The following CATSPERE variants were observed in gnomAD, a reference collection of about 807,000 sequenced individuals.
CATSPERE encodes the protein cation channel sperm-associated auxiliary subunit epsilon.
In CATSPERE, 93 loss-of-function variants were observed where a neutral mutation model predicts 114.1. That is an observed-to-expected ratio of 0.81 (90% CI 0.69 to 0.97). The LOEUF (loss-of-function observed/expected upper bound fraction) is 0.97. CATSPERE is among the 50% of genes least tolerant of loss of function. The pLI is 0.00. For missense variants in CATSPERE, 1,058 were observed against 1,131.6 expected, an observed-to-expected ratio of 0.93 and a Z score of 0.93; for synonymous variants, 341 against 384.1, an observed-to-expected ratio of 0.89 and a Z score of 1.31.
intron 5 of CATSPERE, among the ~76,000 whole-genome samples, chr1:244,486,328 G>A (rs1202096852): frequency 1.3e-5 from 2 of 151,226 alleles, no homozygotes; most frequent in African/African-American, 2.4e-5. Flanking sequence ...TCGTGGGCCA[G>A]GTACAGACCC....
At chr1:244,489,723 C>G (rs1480742803) in intron 5 of CATSPERE, among the ~76,000 whole-genome samples, 1 of 152,034 alleles carries the variant, frequency 6.6e-6, no homozygotes, top group Non-Finnish European at 1.5e-5. Context: ...TATGGATTAA[C>G]TGTGCACCAA....
At chr1:244,609,493 G>A (rs886720224) in intron 18 of CATSPERE, among the ~76,000 whole-genome samples, 24 of 151,964 alleles carry the variant, frequency 1.6e-4, no homozygotes, top group African/African-American at 5.8e-4. Context: ...CGGGGTTACA[G>A]GTGCACGCCA....
chr1:244,619,964 G>A (rs1671886437), intron 20 of CATSPERE, among the ~76,000 whole-genome samples: 1 of 152,138 alleles, frequency 6.6e-6, no homozygotes, highest in African/African-American at 2.4e-5. Flanking sequence ...CTCAGAATCT[G>A]ATAGATCAAG....
intron 17 of CATSPERE, chr1:244,598,633 G>A: frequency 2.9e-6 from 1 of 343,648 alleles, no homozygotes; most frequent in Non-Finnish European, 6.0e-6. Flanking sequence ...TCCACGGTGT[G>A]GCACTGGACA....
intron 20 of CATSPERE, among the ~76,000 whole-genome samples, chr1:244,623,519 G>GT (rs767710296): frequency 2.2e-4 from 34 of 152,180 alleles, no homozygotes; most frequent in Non-Finnish European, 4.6e-4. Flanking sequence ...TCCCAAACAT[G>GT]TCACAGAAAG....
Position 244,571,591 on chromosome 1 carries a change from C to T in CATSPERE, c.1508-739C>T, listed in dbSNP as rs143434819. On this transcript the variant is annotated intron_variant, in intron 10 of 21. Transcript: ENST00000366534. ...TAGGCTATGCTTTATACCACTCTCA[C>T]CCCCACTCACCTCCATGTCTTCATT... is the stretch of plus-strand genomic sequence containing the variant. Among the ~76,000 whole-genome samples, 402 of 152,294 alleles carry T rather than the reference C, an allele frequency of 2.6e-3. 3 individuals carry two copies. Among genetic ancestry groups the T allele is most frequent in the African/African-American group, 8.6e-3 (359 of 41,562 alleles).
chr1:244,610,532 T>G (rs1398927604), intron 19 of CATSPERE: 2 of 664,636 alleles, frequency 3.0e-6, no homozygotes, highest in South Asian at 3.1e-5. Context: ...TGTTACTATT[T>G]TAATTTTCAC....
At chr1:244,623,730 A>T (rs1268093099) in intron 20 of CATSPERE, among the ~76,000 whole-genome samples, 2 of 152,240 alleles carry the variant, frequency 1.3e-5, no homozygotes, top group African/African-American at 4.8e-5. Flanking sequence ...CCCAGTGCAT[A>T]CAAAACTTAT....
intron 18 of CATSPERE, among the ~76,000 whole-genome samples, chr1:244,609,922 C>T (rs1234055231): frequency 6.6e-6 from 1 of 152,130 alleles, no homozygotes; most frequent in African/African-American, 2.4e-5. Flanking sequence ...TGGCACACAC[C>T]TGTAGTCCTA....
chr1:244,606,382 T>C (rs1159541288), intron 18 of CATSPERE, among the ~76,000 whole-genome samples: 1 of 151,806 alleles, frequency 6.6e-6, no homozygotes, highest in Non-Finnish European at 1.5e-5. Flanking sequence ...CCTCCTGTCA[T>C]GATGGAGCCT....
chr1:244,536,811 T>G lies in CATSPERE; in HGVS notation c.537-15511T>G, dbSNP rs142574204. On this transcript the variant is annotated intron_variant, in intron 8 of 21. Transcript: ENST00000366534. Reference sequence around the variant, plus strand: ...TTCATGTTCCTATGGAGAAGAAGATTGGTGGAGGCTTCTATTCACTCATCC... The same window carrying G: ...TTCATGTTCCTATGGAGAAGAAGATGGGTGGAGGCTTCTATTCACTCATCC... Among the ~76,000 whole-genome samples, 24 of 152,350 alleles carry G rather than the reference T, an allele frequency of 1.6e-4. No homozygotes were observed. The East Asian group carries it at 4.0e-3, about 26-fold the overall frequency.
chr1:244,518,491 A>T, intron 7 of CATSPERE, 101 bp from the exon 8 acceptor site: 1 of 736,984 alleles, frequency 1.4e-6, no homozygotes, highest in Non-Finnish European at 2.3e-6. Flanking sequence ...AAATGTAAGC[A>T]ATGTCTTAAC....
chr1:244,608,038 C>T (rs923535316), intron 18 of CATSPERE, among the ~76,000 whole-genome samples: 2 of 151,988 alleles, frequency 1.3e-5, no homozygotes, highest in East Asian at 1.9e-4. Flanking sequence ...ACCCAGGAAG[C>T]GGAGGTTGCA....
intron 9 of CATSPERE, 79 bp from the exon 10 acceptor site, chr1:244,560,589 T>G: frequency 1.2e-6 from 1 of 825,290 alleles, no homozygotes; most frequent in Middle Eastern, 4.1e-4. Context: ...AAAATAAAAT[T>G]TAAATTTTAA....
At chr1:244,591,839 T>G (rs1028737449) in intron 15 of CATSPERE, 108 bp downstream of exon 15, 7 of 696,320 alleles carry the variant, frequency 1.0e-5, no homozygotes, top group Non-Finnish European at 1.7e-5. Context: ...GTGTTCGGCT[T>G]GACACTGTGC....
intron 8 of CATSPERE, among the ~76,000 whole-genome samples, chr1:244,543,923 C>T (rs1358445868): frequency 1.3e-5 from 2 of 152,124 alleles, no homozygotes; most frequent in South Asian, 4.2e-4. Flanking sequence ...TGGCTCCTCT[C>T]TTAAATATTA....
chr1:244,619,217 G>T (rs1365202034), intron 20 of CATSPERE, among the ~76,000 whole-genome samples: 1 of 152,152 alleles, frequency 6.6e-6, no homozygotes, highest in Admixed American at 6.5e-5. Context: ...GATTCCAGGA[G>T]CATACATAAG....
At chr1:244,596,654 C>T (rs1370268928) in intron 17 of CATSPERE, among the ~76,000 whole-genome samples, 2 of 151,926 alleles carry the variant, frequency 1.3e-5, no homozygotes, top group African/African-American at 4.8e-5. Context: ...AAATACCTCA[C>T]GCATGCGGGG....
intron 6 of CATSPERE, among the ~76,000 whole-genome samples, chr1:244,490,834 A>AT (rs1157356646): frequency 6.6e-6 from 1 of 152,096 alleles, no homozygotes; most frequent in African/African-American, 2.4e-5. Flanking sequence ...AAAAATAGTT[A>AT]TTTTTCATAA....
Sources: gnomAD v4.1 joint callset for allele counts (sites outside exome capture counted in the v4.1 genomes callset) on GRCh38, gnomAD v4.1.1 for gene constraint, MANE v1.5 for transcripts, NCBI Gene and HGNC (gene_info 2026-07-23, HGNC 2026-07-21) for gene names.